The following PDE6D variants were observed in gnomAD, a reference collection of about 807,000 sequenced individuals.
PDE6D encodes phosphodiesterase 6D.
A neutral mutation model predicts 21.9 loss-of-function variants in PDE6D; 10 were observed. The ratio of observed to expected loss-of-function variants is 0.46; its 90% CI spans 0.28 to 0.78. PDE6D has a LOEUF of 0.78. Ranked by LOEUF, PDE6D falls within the 30% of genes least tolerant of loss-of-function variation. PDE6D has a pLI of 0.12. For missense variants in PDE6D, 139 were observed against 184.8 expected, an observed-to-expected ratio of 0.75 and a Z score of 1.44; for synonymous variants, 59 against 63.5, an observed-to-expected ratio of 0.93 and a Z score of 0.34.
chr2:231,748,613 A>G (rs1290961528), intron 1 of PDE6D, among the ~76,000 whole-genome samples: 1 of 152,248 alleles, frequency 6.6e-6, no homozygotes, highest in South Asian at 2.1e-4. Context: ...GTTAATCCCC[A>G]AGACCATGGA....
In PDE6D at chr2:231,754,825, C is replaced by T. The variant is rs558892306; in HGVS notation, c.51-15637G>A. 8.5e-5 allele frequency among the ~76,000 whole-genome samples: 13 copies of T among 152,186 alleles called. No individual in the cohort carries two copies. The South Asian group carries it at 1.0e-3, about 12-fold the overall frequency. ...TGCCCTGGCCAAGGTTACAGAGCAACGATAAAAGGATAATCTTCTTCTTGC... is the reference window on the plus strand; with the variant it reads ...TGCCCTGGCCAAGGTTACAGAGCAATGATAAAAGGATAATCTTCTTCTTGC... On this transcript the variant is annotated intron_variant, in intron 1 of 4. Transcript: ENST00000287600.
rs1008801883 is a variant in PDE6D, at chr2:231,750,477, A to G, written c.51-11289T>C. On this transcript the variant is annotated intron_variant, in intron 1 of 4. Coordinates refer to ENST00000287600, the MANE Select transcript of PDE6D (RefSeq NM_002601.4). ...GAAAATATATGTCTATTTCATCCAT[A>G]TCACTTTTTTTTTTTTTTTTTTTTA... Among the ~76,000 whole-genome samples, 9 of 146,476 alleles carry G rather than the reference A, an allele frequency of 6.1e-5. 1 individual carries two copies. The South Asian group carries it at 1.9e-3, about 32-fold the overall frequency.
intron 1 of PDE6D, among the ~76,000 whole-genome samples, chr2:231,763,066 A>G (rs767907182): frequency 2.6e-5 from 4 of 152,208 alleles, no homozygotes; most frequent in Non-Finnish European, 5.9e-5. Flanking sequence ...CCTAGCTACT[A>G]TAGATCTGCT....
chr2:231,754,493 G>A (rs926593065), intron 1 of PDE6D, among the ~76,000 whole-genome samples: 2 of 149,752 alleles, frequency 1.3e-5, no homozygotes, highest in African/African-American at 4.9e-5. Flanking sequence ...AGTAGCTGGG[G>A]TTACAGGCGC....
intron 1 of PDE6D, among the ~76,000 whole-genome samples, chr2:231,757,085 A>C (rs2048888594): frequency 6.6e-6 from 1 of 151,150 alleles, no homozygotes; most frequent in Non-Finnish European, 1.5e-5. Flanking sequence ...CAGCCTCCTG[A>C]GTATGTGGGG....
At chr2:231,735,838 A>C (rs1370385376) in intron 4 of PDE6D, among the ~76,000 whole-genome samples, 3 of 151,762 alleles carry the variant, frequency 2.0e-5, no homozygotes, top group Non-Finnish European at 4.4e-5. Context: ...AGCTTGACCA[A>C]TATGGTGAAA....
intron 3 of PDE6D, 163 bp from the exon 4 acceptor site, chr2:231,737,455 G>T (rs1203248516): frequency 5.3e-6 from 3 of 561,198 alleles, no homozygotes; most frequent in Non-Finnish European, 9.5e-6. Flanking sequence ...AGGGAAGCCT[G>T]CTCAGGTTGT....
At chr2:231,750,122 AT>A (rs1310221541) in intron 1 of PDE6D, among the ~76,000 whole-genome samples, 2 of 151,864 alleles carry the variant, frequency 1.3e-5, no homozygotes, top group African/African-American at 2.4e-5. Flanking sequence ...ATTTGATGGG[AT>A]TATCAGGGGT....
intron 1 of PDE6D, among the ~76,000 whole-genome samples, chr2:231,768,434 A>G (rs2048989612): frequency 6.6e-6 from 1 of 152,104 alleles, no homozygotes; most frequent in Admixed American, 6.6e-5. Flanking sequence ...TCTGTCGTAC[A>G]TGCTGGAGTG....
At chr2:231,779,527 T>C (rs750768454) in intron 1 of PDE6D, 4 of 152,226 alleles carry the variant, frequency 2.6e-5, no homozygotes, top group Non-Finnish European at 5.9e-5. Flanking sequence ...GTAGCAATAT[T>C]ATTACATTGT....
At chr2:231,747,949 C>T (rs1159346281) in intron 1 of PDE6D, among the ~76,000 whole-genome samples, 1 of 152,190 alleles carries the variant, frequency 6.6e-6, no homozygotes, top group Non-Finnish European at 1.5e-5. Flanking sequence ...TTTCACCTCC[C>T]GCCATGATTC....
At chr2:231,743,164 G>A (rs533062713) in intron 1 of PDE6D, among the ~76,000 whole-genome samples, 1 of 151,670 alleles carries the variant, frequency 6.6e-6, no homozygotes, top group African/African-American at 2.4e-5. Context: ...CGTGGCTCAC[G>A]CCTGTAATTG....
intron 1 of PDE6D, among the ~76,000 whole-genome samples, chr2:231,762,551 G>C (rs955344323): frequency 6.6e-6 from 1 of 151,796 alleles, no homozygotes; most frequent in Non-Finnish European, 1.5e-5. Context: ...CACCCTGTTG[G>C]CCAGGCTGGT....
At chr2:231,734,861 A>AAAC (rs1553555553) in intron 4 of PDE6D, among the ~76,000 whole-genome samples, 5 of 147,576 alleles carry the variant, frequency 3.4e-5, no homozygotes, top group African/African-American at 1.3e-4. Context: ...AAAAAAACAA[A>AAAC]AAAAAAAACC....
chr2:231,739,684 T>C lies in PDE6D; in HGVS notation c.51-496A>G, dbSNP rs935886295. Among the ~76,000 whole-genome samples the C allele has an allele frequency of 4.0e-5, 6 of 151,594 alleles. No individual in the cohort carries two copies. The highest frequency in any genetic ancestry group is 1.5e-4 in the African/African-American group (6 of 41,248). On this transcript the variant is annotated intron_variant, in intron 1 of 4. Transcript: ENST00000287600. This position sits in a 1 kb window ranked among gnomAD's most constrained non-coding sequence, Gnocchi z 4.2. ...TCTCACTCTGTCACACAGGCTGGAA[T>C]GCAGTGGCACAATCTCGGCTCACTA... is the stretch of plus-strand genomic sequence containing the variant.
chr2:231,754,357 CTTT>C (rs1032135919), intron 1 of PDE6D, among the ~76,000 whole-genome samples: 2 of 132,632 alleles, frequency 1.5e-5, no homozygotes, highest in African/African-American at 5.6e-5. Context: ...TGGCTTTTGT[CTTT>C]TTTTTTTTTT....
At chr2:231,743,787 T>C (rs1329883528) in intron 1 of PDE6D, among the ~76,000 whole-genome samples, 1 of 152,122 alleles carries the variant, frequency 6.6e-6, no homozygotes, top group Non-Finnish European at 1.5e-5. Context: ...ACAATTATAA[T>C]TACTATAAAT....
At position 231,781,258 on chromosome 2, in the gene PDE6D, T is replaced by G; in HGVS notation, c.-144A>C. 1.4e-6 allele frequency: 1 copy of G among 700,958 alleles called. No homozygotes were observed. The highest frequency in any genetic ancestry group is 2.5e-6 in the Non-Finnish European group (1 of 403,266). The allele number at this position is 700,958 out of a possible 1,614,324, so 43.4% of individuals were successfully genotyped here. A position where few individuals can be genotyped will look rare whatever the true frequency, so the allele number is the denominator to read the frequency against. On this transcript the variant is annotated 5_prime_UTR_variant, in exon 1 of 5. Coordinates refer to ENST00000287600, the MANE Select transcript of PDE6D (RefSeq NM_002601.4). Reference sequence around the variant, plus strand: ...GCGGCCAGACCAGGACCGGCCTCTCTCTCCCCTCAGCTCCCGCTTCTGATC... The same window carrying G: ...GCGGCCAGACCAGGACCGGCCTCTCGCTCCCCTCAGCTCCCGCTTCTGATC...
intron 1 of PDE6D, chr2:231,779,534 T>C (rs1574639168): frequency 1.3e-5 from 2 of 152,222 alleles, no homozygotes; most frequent in South Asian, 2.1e-4. Flanking sequence ...TATTATTACA[T>C]TGTTAGATGT....
Sources: allele counts gnomAD v4.1 joint callset (sites outside exome capture counted in the v4.1 genomes callset), GRCh38; gene constraint gnomAD v4.1.1; non-coding constraint Gnocchi (gnomAD v3.1); transcripts MANE v1.5; gene names NCBI Gene and HGNC (gene_info 2026-07-23, HGNC 2026-07-21).